CD81: variants seen among roughly 807,000 people sequenced by gnomAD.
The protein encoded by CD81 is CD81 molecule.
In CD81, 10 loss-of-function variants were observed where a neutral mutation model predicts 30.1. That is an observed-to-expected ratio of 0.33 (90% CI 0.21 to 0.56). CD81 has a LOEUF of 0.56. Ranked by LOEUF, CD81 falls within the 20% of genes least tolerant of loss-of-function variation. The probability of loss-of-function intolerance (pLI) is 0.89; values close to 1 mark genes in which losing one functional copy is unlikely to be tolerated. For missense variants in CD81, 263 were observed against 308.7 expected (o/e 0.85, Z 1.11); for synonymous variants, 147 against 126.4 (o/e 1.16, Z -1.10).
chr11:2,394,991 TC>T lies in CD81; in HGVS notation c.301del (p.Leu101CysfsTer23). 1 of 1,612,646 alleles carries T rather than the reference TC, an allele frequency of 6.2e-7. No individual in the cohort carries two copies. On this transcript the variant is annotated frameshift_variant, in exon 4 of 8. Coordinates refer to ENST00000263645, the MANE Select transcript of CD81 (RefSeq NM_004356.4). LOFTEE classifies it high-confidence loss of function. Reference protein sequence around the residue: ...LLGTFFTCLVILFACEVAAGI... With the variant: ...LLGTFFTCLVXLFACEVAAGI... Reference sequence around the variant, plus strand: ...CTCCAGTTCTTCACCTGCCTGGTCATCCTGTTTGCCTGTGAGGTGGCCGCCG... The same window carrying T: ...CTCCAGTTCTTCACCTGCCTGGTCATCTGTTTGCCTGTGAGGTGGCCGCCG...
Position 2,396,899 on chromosome 11 carries a change from A to G in CD81, c.*33A>G, listed in dbSNP as rs777957535. 1.4e-5 allele frequency: 22 copies of G among 1,606,034 alleles called. No individual in the cohort carries two copies. Among genetic ancestry groups the G allele is most frequent in the Non-Finnish European group, 1.9e-5 (22 of 1,174,994 alleles). On this transcript the variant is annotated 3_prime_UTR_variant, in exon 8 of 8. Coordinates refer to ENST00000263645, the MANE Select transcript of CD81 (RefSeq NM_004356.4). ...CAGCTCTGGCCACAGGGACCTCTGC[A>G]GTGCCCCCTAAGTGACCCGGACACT...
chr11:2,394,079 T>C lies in CD81; in HGVS notation c.182-16T>C. ...CGAGTGTGTAGGCACCCACCTGGTG[T>C]CTCTCTCCCCGCAAGGCATCTACAT... On this transcript the variant is annotated splice_polypyrimidine_tract_variant and intron_variant, in intron 2 of 7. Coordinates refer to ENST00000263645, the MANE Select transcript of CD81 (RefSeq NM_004356.4). 1 of 1,600,724 alleles carries C rather than the reference T, an allele frequency of 6.2e-7. No homozygotes were observed. The highest frequency in any genetic ancestry group is 8.6e-7 in the Non-Finnish European group (1 of 1,168,780).
rs1321463641 is a variant in CD81, at chr11:2,395,530, C to T, written c.459+10C>T. ...GACCTTCCACGAGACGGTGCGGCCC[C>T]GGGGGGCGAGGGCGGGGAGCAGGGC... On this transcript the variant is annotated intron_variant, in intron 5 of 7. Transcript: ENST00000263645. 1.7e-5 allele frequency: 27 copies of T among 1,608,564 alleles called. No individual in the cohort carries two copies. The highest frequency in any genetic ancestry group is 4.5e-5 in the East Asian group (2 of 44,848).
At chr11:2,385,961 G>C (rs539012186) in intron 1 of CD81, 4 of 694,254 alleles carry the variant, frequency 5.8e-6, no homozygotes, top group South Asian at 4.6e-5. Flanking sequence ...GGGTTTCACT[G>C]CTTAAGCAGC....
upstream of CD81, among the ~76,000 whole-genome samples, chr11:2,376,610 T>C (rs1849596106): frequency 6.6e-6 from 1 of 152,178 alleles, no homozygotes; most frequent in Non-Finnish European, 1.5e-5. Flanking sequence ...ACGAAATAGA[T>C]GCAATATCTG....
rs577291293 is a variant in CD81, at chr11:2,395,256, G to A, written c.355-160G>A. ...CAGCCTCCCGTGTCCCAGCACTCCC[G>A]GGGCAGCTGAGAGTGCAGAGTCCTT... On this transcript the variant is annotated intron_variant, in intron 4 of 7. Transcript: ENST00000263645. The A allele has an allele frequency of 3.5e-5, 26 of 738,888 alleles. 1 individual carries two copies. The South Asian group carries it at 3.6e-4, about 10-fold the overall frequency. 45.8% of individuals were successfully genotyped at this position (738,888 alleles called of 1,614,324 possible). A position where few individuals can be genotyped will look rare whatever the true frequency, so the allele number is the denominator to read the frequency against.
chr11:2,393,814 T>G (rs1849946386), intron 2 of CD81: 3 of 630,938 alleles, frequency 4.8e-6, no homozygotes, highest in Admixed American at 4.6e-5. Flanking sequence ...GTGTCATCCC[T>G]GCGAAGCACC....
At position 2,377,666 on chromosome 11, in the gene CD81, C is replaced by T; in HGVS notation, c.66+51C>T. ...CGGGAGGGGGCAGGCACACACTCCA[C>T]GTTGGGCAGGTCCCGCGGCAGCGTG... is the stretch of plus-strand genomic sequence containing the variant. On this transcript the variant is annotated intron_variant, in intron 1 of 7. Transcript: ENST00000263645. This position sits in a 1 kb window ranked among gnomAD's most constrained non-coding sequence, Gnocchi z 7.7. 3 of 1,267,270 alleles carry T rather than the reference C, an allele frequency of 2.4e-6. No homozygotes were observed. The highest frequency in any genetic ancestry group is 1.6e-5 in the African/African-American group (1 of 64,430). The allele number at this position is 1,267,270 out of a possible 1,614,324, so 78.5% of individuals were successfully genotyped here. A position where few individuals can be genotyped will look rare whatever the true frequency, so the allele number is the denominator to read the frequency against.
At chr11:2,394,736 C>T in intron 3 of CD81, 1 of 620,690 alleles carries the variant, frequency 1.6e-6, no homozygotes, top group Non-Finnish European at 2.9e-6. Context: ...TCCACCCCGT[C>T]CTGTGGAGCC....
chr11:2,384,174 A>T (rs1314502524), intron 1 of CD81, among the ~76,000 whole-genome samples: 1 of 151,944 alleles, frequency 6.6e-6, no homozygotes, highest in Non-Finnish European at 1.5e-5. Context: ...GAGTACAAAC[A>T]CTGCTTTTAG....
Position 2,396,791 on chromosome 11 carries a change from C to T in CD81, c.649-13C>T. 2 of 1,612,662 alleles carry T rather than the reference C, an allele frequency of 1.2e-6. No individual in the cohort carries two copies. Among genetic ancestry groups the T allele is most frequent in the Non-Finnish European group, 8.5e-7 (1 of 1,180,010 alleles). On this transcript the variant is annotated splice_polypyrimidine_tract_variant and intron_variant, in intron 7 of 7. Coordinates refer to ENST00000263645, the MANE Select transcript of CD81 (RefSeq NM_004356.4). The stretch of plus-strand genomic sequence containing the variant: ...GCCTTGTGCTGACTGCGCCCCCCAC[C>T]ACCCTCCTGCAGATCTTCGAGATGA...
intron 1 of CD81, among the ~76,000 whole-genome samples, chr11:2,387,520 G>C (rs1378084425): frequency 6.6e-6 from 1 of 152,208 alleles, no homozygotes; most frequent in Non-Finnish European, 1.5e-5. Flanking sequence ...GGTGAGGACA[G>C]CCAGGCTCTC....
At chr11:2,396,125 T>A in intron 6 of CD81, 155 bp downstream of exon 6, 1 of 448,346 alleles carries the variant, frequency 2.2e-6, no homozygotes, top group Non-Finnish European at 4.4e-6. Flanking sequence ...AGGGTTGGGG[T>A]GGGACCGCAT....
intron 5 of CD81, 66 bp from the exon 6 acceptor site, chr11:2,395,803 G>A: frequency 1.8e-6 from 2 of 1,111,070 alleles, no homozygotes; most frequent in Non-Finnish European, 2.7e-6. Context: ...CCTCCCCATG[G>A]GTTCCCTAGA....
intron 1 of CD81, among the ~76,000 whole-genome samples, chr11:2,389,084 A>T (rs1849848931): frequency 1.3e-5 from 2 of 152,080 alleles, no homozygotes. Flanking sequence ...GGGACCCTGG[A>T]ACTGACCAAT....
At position 2,393,914 on chromosome 11, in the gene CD81, G is replaced by A. The variant is rs369281908; in HGVS notation, c.182-181G>A. 692 of 703,598 alleles carry A rather than the reference G, an allele frequency of 9.8e-4. 8 individuals are homozygous for A. The South Asian group carries it at 9.9e-3, about 10-fold the overall frequency. 43.6% of individuals were successfully genotyped at this position (703,598 alleles called of 1,614,324 possible). ...CTGTGTCATGGAAGAGGTAACTGAGGCACAGAAAACTCACCAGGCCAGGCT... is the reference window on the plus strand; with the variant it reads ...CTGTGTCATGGAAGAGGTAACTGAGACACAGAAAACTCACCAGGCCAGGCT... On this transcript the variant is annotated intron_variant, in intron 2 of 7. Transcript: ENST00000263645.
chr11:2,389,404 T>C (rs947920774), intron 1 of CD81, among the ~76,000 whole-genome samples: 7 of 151,906 alleles, frequency 4.6e-5, no homozygotes, highest in Non-Finnish European at 8.8e-5. Context: ...GCACTGCCCC[T>C]AGGGAGAGAG....
chr11:2,395,992 G>C (rs34403950), intron 6 of CD81, 22 bp downstream of exon 6: 6 of 1,511,202 alleles, frequency 4.0e-6, no homozygotes, highest in Non-Finnish European at 5.5e-6. Flanking sequence ...CGGTGGGGCC[G>C]CGCCTGACCC....
At chr11:2,393,344 C>G (rs899139191) in intron 2 of CD81, 1 of 155,620 alleles carries the variant, frequency 6.4e-6, no homozygotes, top group Non-Finnish European at 1.4e-5. Context: ...ACGGCGCCTT[C>G]TCCCTCCCCA....
Sources: gnomAD v4.1 joint callset for allele counts (sites outside exome capture counted in the v4.1 genomes callset) on GRCh38, gnomAD v4.1.1 for gene constraint, Gnocchi (gnomAD v3.1) non-coding constraint, MANE v1.5 for transcripts, NCBI Gene and HGNC (gene_info 2026-07-23, HGNC 2026-07-21) for gene names.